ADARB2: variants seen among roughly 807,000 people sequenced by gnomAD.
ADARB2 encodes the protein adenosine deaminase RNA specific B2 (inactive), also known as inactive double-stranded RNA-specific editase B2.
Under a neutral mutation model 62.2 loss-of-function variants are expected in ADARB2, and 25 were observed. That is an observed-to-expected ratio of 0.40 (90% CI 0.29 to 0.56). ADARB2 has a LOEUF of 0.56. Among genes scored for constraint, ADARB2 ranks in the 20% least tolerant of loss-of-function variants. The pLI is 0.43. For missense variants in ADARB2, 1,071 were observed against 1,077.4 expected (o/e 0.99, Z 0.08); for synonymous variants, 572 against 500.8 (o/e 1.14, Z -1.90).
chr10:1,712,550 G>A (rs1564201929), intron 1 of ADARB2, among the ~76,000 whole-genome samples: 1 of 151,874 alleles, frequency 6.6e-6, no homozygotes, highest in Non-Finnish European at 1.5e-5. Flanking sequence ...AACCCGGGAG[G>A]ATTGGGAAAG....
chr10:1,533,149 C>T (rs1222679517), intron 1 of ADARB2, among the ~76,000 whole-genome samples: 19 of 151,052 alleles, frequency 1.3e-4, no homozygotes, highest in East Asian at 2.0e-4. Flanking sequence ...GATGGAGCCT[C>T]GCTCCATTGC....
chr10:1,271,098 T>C lies in ADARB2; in HGVS notation c.1078-29A>G, dbSNP rs534043104. ...AAAGACACAAGCACAGGCCTCCACG[T>C]TGGGCTGAGCAGGTGCCGTGGAGGA... is the stretch of plus-strand genomic sequence containing the variant. On this transcript the variant is annotated intron_variant, in intron 3 of 9. Coordinates refer to ENST00000381312, the MANE Select transcript of ADARB2 (RefSeq NM_018702.4). The C allele has an allele frequency of 4.4e-6, 7 of 1,593,380 alleles. No individual in the cohort carries two copies. The East Asian group carries it at 6.7e-5, about 15-fold the overall frequency.
In ADARB2 at chr10:1,275,300, G is replaced by C. The variant is rs114731505; in HGVS notation, c.1078-4231C>G. On this transcript the variant is annotated intron_variant, in intron 3 of 9. Transcript: ENST00000381312. ...GGCCTTGAACTGACAGAGCAGAATG[G>C]AGATATTGCTGGCCGGACAGTTCCA... is the stretch of plus-strand genomic sequence containing the variant. Among the ~76,000 whole-genome samples the C allele has an allele frequency of 1.4e-3, 216 of 152,288 alleles. 1 individual carries two copies. The highest frequency in any genetic ancestry group is 4.2e-3 in the African/African-American group (174 of 41,564).
chr10:1,508,431 C>G (rs1332389363), intron 1 of ADARB2, among the ~76,000 whole-genome samples: 3 of 152,164 alleles, frequency 2.0e-5, no homozygotes, highest in Non-Finnish European at 4.4e-5. Context: ...TGGGAGACTC[C>G]CAGGAGGCCC....
At chr10:1,381,099 A>C (rs896647401) in intron 1 of ADARB2, among the ~76,000 whole-genome samples, 3 of 152,254 alleles carry the variant, frequency 2.0e-5, no homozygotes, top group African/African-American at 7.2e-5. Context: ...AGTTTTAGAT[A>C]AACAATAGAC....
intron 1 of ADARB2, among the ~76,000 whole-genome samples, chr10:1,395,369 G>A (rs1167114766): frequency 6.6e-6 from 1 of 152,134 alleles, no homozygotes; most frequent in African/African-American, 2.4e-5. Flanking sequence ...ACTCTCCGAC[G>A]GTCCTGGGAG....
At position 1,363,260 on chromosome 10, in the gene ADARB2, A is replaced by G. The variant is rs1232173552; in HGVS notation, c.845T>C (p.Leu282Pro). The change falls in exon 3 of 10, where the codon CTG becomes CCG. Residue 282 changes from leucine to proline, a missense_variant. Transcript: ENST00000381312. ...CAGCCCGGCGCGCAGGCGGTTCAGC[A>G]GCACCACGGGGTTGCGCTCGCCCGG... Reference protein sequence around the residue: ...AAPGERNPVVLLNRLRAGLRY... With the variant: ...AAPGERNPVVPLNRLRAGLRY... The G allele has an allele frequency of 1.1e-5, 14 of 1,311,204 alleles. No individual in the cohort carries two copies. The highest frequency in any genetic ancestry group is 1.3e-5 in the Non-Finnish European group (13 of 1,027,522). The allele number at this position is 1,311,204 out of a possible 1,614,324, so 81.2% of individuals were successfully genotyped here.
intron 3 of ADARB2, among the ~76,000 whole-genome samples, chr10:1,293,311 G>C (rs1436430958): frequency 1.6e-5 from 2 of 124,154 alleles, no homozygotes; most frequent in African/African-American, 5.6e-5. Flanking sequence ...GGAAGAGAGA[G>C]GGGAGGGAGG....
Position 1,469,682 on chromosome 10 carries a change from C to G in ADARB2, c.101-90522G>C, listed in dbSNP as rs144544830. Among the ~76,000 whole-genome samples, 1,408 of 152,288 alleles carry G rather than the reference C, an allele frequency of 9.2e-3. 17 individuals carry two copies. The highest frequency in any genetic ancestry group is 0.032 in the African/African-American group (1,329 of 41,550). On this transcript the variant is annotated intron_variant, in intron 1 of 9. Coordinates refer to ENST00000381312, the MANE Select transcript of ADARB2 (RefSeq NM_018702.4). ...AAAAAAGAAAACAGTGCTTTATCCT[C>G]AAGGCACCTGTGGGCTAAGAGGAGC...
chr10:1,678,236 G>A (rs1026078936), intron 1 of ADARB2: 53 of 985,248 alleles, frequency 5.4e-5, no homozygotes, highest in African/African-American at 3.5e-5. Flanking sequence ...ACCTCAGGGT[G>A]AGTGTCCTCG....
At chr10:1,662,492 G>A (rs549952452) in intron 1 of ADARB2, among the ~76,000 whole-genome samples, 1 of 152,330 alleles carries the variant, frequency 6.6e-6, no homozygotes, top group South Asian at 2.1e-4. Context: ...AGGACTCAGT[G>A]CAGCCACGTG....
At position 1,233,693 on chromosome 10, in the gene ADARB2, C is replaced by A. The variant is rs778321753; in HGVS notation, c.1513+1G>T. On this transcript the variant is annotated splice_donor_variant, in intron 6 of 9. Transcript: ENST00000381312. LOFTEE classifies it high-confidence loss of function. ...CAGAAGGTAAAAGCATGGTCTCTTA[C>A]GGTCTGTGGTGATCTCGTAGGGAGA... 1 of 1,611,080 alleles carries A rather than the reference C, an allele frequency of 6.2e-7. No homozygotes were observed. The highest frequency in any genetic ancestry group is 8.5e-7 in the Non-Finnish European group (1 of 1,178,500).
chr10:1,526,703 T>G (rs1313858058), intron 1 of ADARB2: 1 of 314,986 alleles, frequency 3.2e-6, no homozygotes, highest in Non-Finnish European at 6.8e-6. Flanking sequence ...TGCACAAACC[T>G]TTCTTCCTCA....
chr10:1,305,436 G>A (rs1831617886), intron 3 of ADARB2, among the ~76,000 whole-genome samples: 1 of 151,194 alleles, frequency 6.6e-6, no homozygotes, highest in African/African-American at 2.4e-5. Flanking sequence ...AAAGAGTCCA[G>A]GACCAGATGG....
intron 8 of ADARB2, among the ~76,000 whole-genome samples, chr10:1,197,249 C>T (rs1836923205): frequency 6.6e-6 from 1 of 152,054 alleles, no homozygotes. Flanking sequence ...TAGAATTTTC[C>T]TCAACTTAGT....
At chr10:1,688,656 C>T (rs1246774926) in intron 1 of ADARB2, among the ~76,000 whole-genome samples, 3 of 152,190 alleles carry the variant, frequency 2.0e-5, no homozygotes, top group Admixed American at 1.3e-4. Context: ...ATCCAACCCC[C>T]TCCTGCAAAA....
intron 1 of ADARB2, among the ~76,000 whole-genome samples, chr10:1,435,476 T>C (rs531784447): frequency 2.0e-5 from 3 of 148,410 alleles, no homozygotes; most frequent in African/African-American, 5.3e-5. Context: ...CTGAGCCTCC[T>C]TCTGCGCAAG....
intron 4 of ADARB2, among the ~76,000 whole-genome samples, chr10:1,249,205 G>A (rs977350972): frequency 6.6e-6 from 1 of 152,218 alleles, no homozygotes; most frequent in Non-Finnish European, 1.5e-5. Flanking sequence ...ACTTTGGGAG[G>A]CTGAGGACAG....
intron 1 of ADARB2, among the ~76,000 whole-genome samples, chr10:1,464,409 A>G (rs868605419): frequency 4.6e-5 from 5 of 109,690 alleles, no homozygotes; most frequent in South Asian, 3.2e-4. Context: ...ACACTCCCCC[A>G]CACACGCGCG....
Sources: gnomAD v4.1 joint callset for allele counts (sites outside exome capture counted in the v4.1 genomes callset) on GRCh38, gnomAD v4.1.1 for gene constraint, MANE v1.5 for transcripts, NCBI Gene and HGNC (gene_info 2026-07-23, HGNC 2026-07-21) for gene names.